The following LRRN2 variants were observed in gnomAD, a reference collection of about 807,000 sequenced individuals.
The protein encoded by LRRN2 is leucine-rich repeat neuronal protein 2.
LRRN2 carries 10 observed loss-of-function variants against 35.7 expected under a neutral mutation model. That is an observed-to-expected ratio of 0.28 (90% confidence interval 0.17 to 0.47). LRRN2 has a LOEUF of 0.47. Ranked by LOEUF, LRRN2 falls within the 20% of genes least tolerant of loss-of-function variation. LRRN2 has a pLI of 0.99. For missense variants in LRRN2, 731 were observed against 940.3 expected (o/e 0.78, Z 2.91); for synonymous variants, 391 against 409.6 (o/e 0.95, Z 0.55).
At chr1:204,623,614 C>T (rs1667084239) in intron 1 of LRRN2, among the ~76,000 whole-genome samples, 1 of 152,264 alleles carries the variant, frequency 6.6e-6, no homozygotes. Context: ...CTAAGGCTGC[C>T]TTGCACATGG....
chr1:204,657,339 T>TACACACACAC (rs1285210348), intron 1 of LRRN2, among the ~76,000 whole-genome samples: 2,553 of 124,240 alleles, frequency 0.021, 60 homozygotes, highest in African/African-American at 0.059. Context: ...TATATGTATA[T>TACACACACAC]ATACACACAC....
At chr1:204,660,317 T>G (rs1010601012) in intron 1 of LRRN2, among the ~76,000 whole-genome samples, 1 of 152,232 alleles carries the variant, frequency 6.6e-6, no homozygotes, top group Admixed American at 6.5e-5. Context: ...TTGCCTTTTC[T>G]GTTGTCATCC....
intron 1 of LRRN2, chr1:204,629,274 G>A (rs1667603967): frequency 6.6e-6 from 1 of 152,326 alleles, no homozygotes; most frequent in South Asian, 2.1e-4. Flanking sequence ...TTCCATCTCT[G>A]AAGTCATAGT....
chr1:204,656,041 C>T (rs1481624026), intron 1 of LRRN2, among the ~76,000 whole-genome samples: 1 of 152,194 alleles, frequency 6.6e-6, no homozygotes, highest in African/African-American at 2.4e-5. Flanking sequence ...TCCCCAGTAG[C>T]TGGGACTACA....
intron 1 of LRRN2, among the ~76,000 whole-genome samples, chr1:204,660,023 C>G (rs982952849): frequency 5.3e-5 from 8 of 152,240 alleles, no homozygotes; most frequent in Non-Finnish European, 1.0e-4. Context: ...GCCAGGCCCA[C>G]TCCTTGACAC....
At chr1:204,660,869 A>C (rs1248902900) in intron 1 of LRRN2, among the ~76,000 whole-genome samples, 1 of 152,238 alleles carries the variant, frequency 6.6e-6, no homozygotes, top group Non-Finnish European at 1.5e-5. Flanking sequence ...GGCAAGCCAT[A>C]TACTACAAAT....
At chr1:204,679,242 C>A (rs1220590768) in intron 1 of LRRN2, among the ~76,000 whole-genome samples, 1 of 152,214 alleles carries the variant, frequency 6.6e-6, no homozygotes, top group Non-Finnish European at 1.5e-5. Context: ...GTCAAATTCT[C>A]TCTTTCCTCC....
At chr1:204,674,883 A>C (rs567169567) in intron 1 of LRRN2, among the ~76,000 whole-genome samples, 175 of 152,372 alleles carry the variant, frequency 1.1e-3, no homozygotes, top group Non-Finnish European at 2.2e-3. Context: ...GCCAGTGCTC[A>C]CGTCGCCTCT....
intron 1 of LRRN2, among the ~76,000 whole-genome samples, chr1:204,668,758 C>T (rs1030324957): frequency 4.6e-5 from 7 of 152,174 alleles, no homozygotes; most frequent in African/African-American, 1.7e-4. Context: ...ATGGGTGTGG[C>T]TCTAAGGACA....
chr1:204,668,195 T>C (rs1409412778), intron 1 of LRRN2, among the ~76,000 whole-genome samples: 2 of 152,218 alleles, frequency 1.3e-5, no homozygotes, highest in Admixed American at 6.5e-5. Context: ...CCAGCCCCTG[T>C]GGGTGGTGGT....
chr1:204,640,640 T>C (rs527427206), intron 1 of LRRN2, among the ~76,000 whole-genome samples: 16 of 152,156 alleles, frequency 1.1e-4, no homozygotes, highest in Non-Finnish European at 2.2e-4. Context: ...CCATGCTTGC[T>C]TTCCATCCCT....
chr1:204,641,455 C>T (rs1282641537), intron 1 of LRRN2, among the ~76,000 whole-genome samples: 2 of 152,220 alleles, frequency 1.3e-5, no homozygotes, highest in African/African-American at 4.8e-5. Flanking sequence ...TCACTGACCC[C>T]AGTTTCTTTT....
intron 1 of LRRN2, among the ~76,000 whole-genome samples, chr1:204,650,438 T>G (rs947905727): frequency 2.6e-5 from 4 of 152,100 alleles, no homozygotes; most frequent in Admixed American, 2.0e-4. Context: ...CTTCTGCCCT[T>G]TGGGATTCTC....
intron 1 of LRRN2, chr1:204,682,723 C>G (rs948476380): frequency 6.6e-6 from 1 of 152,212 alleles, no homozygotes; most frequent in Admixed American, 6.5e-5. Flanking sequence ...TCTACTTGCC[C>G]TGGGCTGCCA....
chr1:204,648,033 C>T (rs1199133068), intron 1 of LRRN2, among the ~76,000 whole-genome samples: 1 of 152,186 alleles, frequency 6.6e-6, no homozygotes, highest in Non-Finnish European at 1.5e-5. Flanking sequence ...TTCTGACAGA[C>T]TGTGGATTAG....
chr1:204,648,356 T>C (rs1463715458), intron 1 of LRRN2, among the ~76,000 whole-genome samples: 2 of 152,164 alleles, frequency 1.3e-5, no homozygotes, highest in Non-Finnish European at 2.9e-5. Context: ...AATCCCAGCA[T>C]GTCAAGAGTT....
chr1:204,652,439 G>A (rs1364335235), intron 1 of LRRN2, among the ~76,000 whole-genome samples: 1 of 1,630 alleles, frequency 6.1e-4, no homozygotes, highest in African/African-American at 7.2e-4. Context: ...AAGAAGGACC[G>A]AGCTAAAGTT....
chr1:204,653,996 A>C (rs1460669593), intron 1 of LRRN2, among the ~76,000 whole-genome samples: 3 of 147,368 alleles, frequency 2.0e-5, no homozygotes, highest in Non-Finnish European at 4.5e-5. Context: ...TAATTGTGCC[A>C]GTGCACTCCC....
chr1:204,666,356 A>G (rs1236976099), intron 1 of LRRN2, among the ~76,000 whole-genome samples: 3 of 152,258 alleles, frequency 2.0e-5, no homozygotes, highest in East Asian at 1.9e-4. Context: ...AGCACCTACT[A>G]TGTGTAAAAC....
Sources: allele counts gnomAD v4.1 joint callset (sites outside exome capture counted in the v4.1 genomes callset), GRCh38; gene constraint gnomAD v4.1.1; transcripts MANE v1.5; gene names NCBI Gene and HGNC (gene_info 2026-07-23, HGNC 2026-07-21).